STX12: variants seen among roughly 807,000 people sequenced by gnomAD.
STX12 encodes syntaxin 12.
Under a neutral mutation model 42.2 loss-of-function variants are expected in STX12, and 17 were observed. The ratio of observed to expected loss-of-function variants is 0.40; its 90% CI spans 0.28 to 0.60. The LOEUF is 0.60. STX12 is among the 20% of genes least tolerant of loss of function. The pLI is 0.39. For missense variants in STX12, 297 were observed against 330.9 expected, an observed-to-expected ratio of 0.90 and a Z score of 0.79; for synonymous variants, 108 against 116.7, an observed-to-expected ratio of 0.93 and a Z score of 0.48.
At chr1:27,789,033 A>C (rs1033472989) in intron 1 of STX12, among the ~76,000 whole-genome samples, 1 of 152,104 alleles carries the variant, frequency 6.6e-6, no homozygotes, top group Non-Finnish European at 1.5e-5. Flanking sequence ...TAAATAAATA[A>C]AAAAGTACAT....
Sources: gnomAD v4.1 joint callset for allele counts (sites outside exome capture counted in the v4.1 genomes callset) on GRCh38, gnomAD v4.1.1 for gene constraint, MANE v1.5 for transcripts, NCBI Gene and HGNC (gene_info 2026-07-23, HGNC 2026-07-21) for gene names.